Variants in FKBP4 observed in about 807,000 individuals in gnomAD.
FKBP4 encodes the protein peptidyl-prolyl cis-trans isomerase FKBP4.
A neutral mutation model predicts 54.1 loss-of-function variants in FKBP4; 28 were observed. The ratio of observed to expected loss-of-function variants is 0.52; its 90% CI spans 0.38 to 0.71. The LOEUF is 0.71. FKBP4 is among the 30% of genes least tolerant of loss of function. The pLI is 0.00. For synonymous variants in FKBP4, 223 were observed against 216.1 expected (o/e 1.03, Z -0.28); for missense variants, 493 against 574.4 (o/e 0.86, Z 1.45).
rs1477912620 is a variant in FKBP4 at position 2,798,825 on chromosome 12, G to A, written c.513G>A (p.Glu171=). The change falls in exon 4 of 10, where the codon GAG becomes GAA. Residue 171 remains glutamate, a splice_region_variant and synonymous_variant. Coordinates refer to ENST00000001008, the MANE Select transcript of FKBP4 (RefSeq NM_002014.4). This position sits in a 1 kb window ranked among gnomAD's most constrained non-coding sequence, Gnocchi z 4.3. The part of the protein sequence containing the change: ...YAKPNEGAIV[E]VALEGYYKDK... ...AGCCCAATGAGGGTGCTATCGTGGA[G>A]GGTGAGACAGTACAGTCTGGGCTTT... The A allele has an allele frequency of 6.2e-7, 1 of 1,614,012 alleles. No individual in the cohort carries two copies. Among genetic ancestry groups the A allele is most frequent in the East Asian group, 2.2e-5 (1 of 44,890 alleles).
intron 3 of FKBP4, 124 bp downstream of exon 3, chr12:2,797,995 A>G (rs2097902825): frequency 2.5e-6 from 3 of 1,210,072 alleles, no homozygotes; most frequent in Admixed American, 2.3e-5. Flanking sequence ...GTCTGGCCTT[A>G]TGGGAGGAGA....
At chr12:2,800,199 A>C in intron 7 of FKBP4, 77 bp downstream of exon 7, 1 of 1,525,210 alleles carries the variant, frequency 6.6e-7, no homozygotes, top group Non-Finnish European at 9.1e-7. Context: ...GGTGACTGAG[A>C]TCATTTTCTG....
chr12:2,798,054 G>A lies in FKBP4; in HGVS notation c.393+183G>A, dbSNP rs914060337. ...TAGTAATGGAAGTAATAGAAGCTTC[G>A]GGTGGGAAGAGGCAGGCACAAGCCC... On this transcript the variant is annotated intron_variant, in intron 3 of 9. Coordinates refer to ENST00000001008, the MANE Select transcript of FKBP4 (RefSeq NM_002014.4). This position sits in a 1 kb window ranked among gnomAD's most constrained non-coding sequence, Gnocchi z 4.3. Among the ~76,000 whole-genome samples, 4 of 152,190 alleles carry A rather than the reference G, an allele frequency of 2.6e-5. No homozygotes were observed. The East Asian group carries it at 5.8e-4, about 22-fold the overall frequency.
intron 9 of FKBP4, 83 bp from the exon 10 acceptor site, chr12:2,803,068 G>T: frequency 2.1e-6 from 2 of 970,246 alleles, no homozygotes; most frequent in Non-Finnish European, 3.2e-6. Context: ...GAGAATGGGT[G>T]TATCTGTGTA....
Position 2,799,216 on chromosome 12 carries a change from G to C in FKBP4, c.643G>C (p.Glu215Gln), listed in dbSNP as rs1042734137. ...ERAIQRMEKG[E>Q]HSIVYLKPSY... ...GGCCATTCAGCGCATGGAGAAAGGA[G>C]AACATTCCATCGTGTACCTCAAGCC... Residue 215 changes from glutamate (E) to glutamine (Q), a missense_variant, in exon 5 of 10, where the codon GAA (glutamate) becomes CAA (glutamine). Coordinates refer to ENST00000001008, the MANE Select transcript of FKBP4 (RefSeq NM_002014.4). 1 of 1,551,846 alleles carries C rather than the reference G, an allele frequency of 6.4e-7. No individual in the cohort carries two copies. The highest frequency in any genetic ancestry group is 8.7e-7 in the Non-Finnish European group (1 of 1,151,054).
intron 9 of FKBP4, among the ~76,000 whole-genome samples, chr12:2,802,120 T>C (rs1277834711): frequency 6.6e-6 from 1 of 152,228 alleles, no homozygotes; most frequent in Non-Finnish European, 1.5e-5. Flanking sequence ...AGTCCCTTTT[T>C]AGTCTTCCAG....
In FKBP4 at chr12:2,800,592, G is replaced by A. The variant is rs1738552536; in HGVS notation, c.1032+15G>A. ...GCTGTAACAAGGTGAGGCCCCCTCAGAGGTCATGGAAGCAGCATTCACAGG... is the reference window on the plus strand; with the variant it reads ...GCTGTAACAAGGTGAGGCCCCCTCAAAGGTCATGGAAGCAGCATTCACAGG... On this transcript the variant is annotated intron_variant, in intron 8 of 9. Coordinates refer to ENST00000001008, the MANE Select transcript of FKBP4 (RefSeq NM_002014.4). 1 of 1,581,284 alleles carries A rather than the reference G, an allele frequency of 6.3e-7. No individual in the cohort carries two copies. Among genetic ancestry groups the A allele is most frequent in the Non-Finnish European group, 8.6e-7 (1 of 1,166,386 alleles).
chr12:2,803,411 G>A lies in FKBP4; in HGVS notation c.*153G>A, dbSNP rs558770809. 8.2e-5 allele frequency: 50 copies of A among 607,790 alleles called. No individual in the cohort carries two copies. The highest frequency in any genetic ancestry group is 4.5e-4 in the Admixed American group (16 of 35,878). 37.6% of individuals were successfully genotyped at this position (607,790 alleles called of 1,614,324 possible). ...TGGCTTTAGGGGAAGGGGGAAAGGT[G>A]TAGGCTGGGGGATTGAGGTGGGGAA... On this transcript the variant is annotated 3_prime_UTR_variant, in exon 10 of 10. Transcript: ENST00000001008.
rs2097903451 is a variant in FKBP4, at chr12:2,799,194, C to T, written c.621C>T (p.Ala207=). ...NLDLPYGLER[A]IQRMEKGEHS... Reference sequence around the variant, plus strand: ...ATCTGCCTTATGGTCTGGAGAGGGCCATTCAGCGCATGGAGAAAGGAGAAC... The same window carrying T: ...ATCTGCCTTATGGTCTGGAGAGGGCTATTCAGCGCATGGAGAAAGGAGAAC... The change falls in exon 5 of 10, where the codon GCC becomes GCT. Residue 207 remains alanine, a synonymous_variant. Transcript: ENST00000001008. The T allele has an allele frequency of 6.3e-7, 1 of 1,582,458 alleles. No individual in the cohort carries two copies. The highest frequency in any genetic ancestry group is 8.6e-7 in the Non-Finnish European group (1 of 1,166,540).
intron 1 of FKBP4, 184 bp from the exon 2 acceptor site, chr12:2,796,954 A>C: frequency 1.4e-6 from 2 of 1,381,340 alleles, no homozygotes; most frequent in Non-Finnish European, 1.9e-6. Context: ...CACCTCAAGA[A>C]AGACAAGAAG....
Position 2,798,977 on chromosome 12 carries a change from G to A in FKBP4, c.515-111G>A. On this transcript the variant is annotated intron_variant, in intron 4 of 9. Coordinates refer to ENST00000001008, the MANE Select transcript of FKBP4 (RefSeq NM_002014.4). This position sits in a 1 kb window ranked among gnomAD's most constrained non-coding sequence, Gnocchi z 4.3. ...TCTCTTCATATCACTCCAGATTTGA[G>A]AACACAGGAGAATCTTGGGATGATG... 1 of 1,405,758 alleles carries A rather than the reference G, an allele frequency of 7.1e-7. No homozygotes were observed. The highest frequency in any genetic ancestry group is 9.7e-7 in the Non-Finnish European group (1 of 1,027,694). 87.1% of individuals were successfully genotyped at this position (1,405,758 alleles called of 1,614,324 possible). A position where few individuals can be genotyped will look rare whatever the true frequency, so the allele number is the denominator to read the frequency against.
At position 2,795,102 on chromosome 12, in the gene FKBP4, C is replaced by A; in HGVS notation, c.-38C>A. 3.2e-6 allele frequency: 4 copies of A among 1,249,016 alleles called. No homozygotes were observed. The highest frequency in any genetic ancestry group is 4.1e-6 in the Non-Finnish European group (4 of 977,254). The allele number at this position is 1,249,016 out of a possible 1,614,324, so 77.4% of individuals were successfully genotyped here. On this transcript the variant is annotated 5_prime_UTR_variant, in exon 1 of 10. Coordinates refer to ENST00000001008, the MANE Select transcript of FKBP4 (RefSeq NM_002014.4). The surrounding 1 kb of genome is among the most constrained non-coding windows in gnomAD (Gnocchi z 4.3). ...CCCGCGGCCCAGAGTGCGCTCGCGC[C>A]GGCACCAGCTCCCGGATAAACGGCG...
At chr12:2,802,355 G>A (rs1334482450) in intron 9 of FKBP4, among the ~76,000 whole-genome samples, 2 of 151,942 alleles carry the variant, frequency 1.3e-5, no homozygotes, top group Admixed American at 6.6e-5. Flanking sequence ...CCAGGCTCTC[G>A]AACTCCTGAC....
At position 2,803,195 on chromosome 12, in the gene FKBP4, GATGA is replaced by G; in HGVS notation, c.1319_1322del (p.Met440ArgfsTer44). 1.2e-6 allele frequency: 2 copies of G among 1,606,362 alleles called. No homozygotes were observed. Among genetic ancestry groups the G allele is most frequent in the Non-Finnish European group, 1.7e-6 (2 of 1,176,476 alleles). On this transcript the variant is annotated frameshift_variant, in exon 10 of 10. Coordinates refer to ENST00000001008, the MANE Select transcript of FKBP4 (RefSeq NM_002014.4). LOFTEE classifies it high-confidence loss of function. ...CAGGAGACCATCCCACTGACACAGA[GATGA>G]AGGAGGAGCAGAAGAGCAACACGGC...
Position 2,795,220 on chromosome 12 carries a change from C to G in FKBP4, c.81C>G (p.Pro27=). 7.5e-7 allele frequency: 1 copy of G among 1,339,124 alleles called. No homozygotes were observed. The highest frequency in any genetic ancestry group is 1.5e-5 in the African/African-American group (1 of 66,072). The allele number at this position is 1,339,124 out of a possible 1,614,324, so 83.0% of individuals were successfully genotyped here. Reference sequence around the variant, plus strand: ...CCATGGAGGGAGTGGACATCAGCCCCAAACAGGACGAAGGCGTGCTGAAGG... The same window carrying G: ...CCATGGAGGGAGTGGACATCAGCCCGAAACAGGACGAAGGCGTGCTGAAGG... ...PLPMEGVDIS[P]KQDEGVLKVI... is the part of the protein sequence containing the mutation. Residue 27 remains proline, a synonymous_variant, in exon 1 of 10, where the codon CCC becomes CCG. Coordinates refer to ENST00000001008, the MANE Select transcript of FKBP4 (RefSeq NM_002014.4). This position sits in a 1 kb window ranked among gnomAD's most constrained non-coding sequence, Gnocchi z 4.3.
At chr12:2,803,074 G>A (rs1012681567) in intron 9 of FKBP4, 77 bp from the exon 10 acceptor site, 45 of 1,052,690 alleles carry the variant, frequency 4.3e-5, no homozygotes, top group Non-Finnish European at 6.0e-5. Flanking sequence ...GGGTGTATCT[G>A]TGTAATTCTG....
chr12:2,805,309 C>A lies in FKBP4; in HGVS notation c.*2051C>A. 2.5e-6 allele frequency: 1 copy of A among 392,490 alleles called. No homozygotes were observed. Among genetic ancestry groups the A allele is most frequent in the Non-Finnish European group, 5.0e-6 (1 of 200,228 alleles). 24.3% of individuals were successfully genotyped at this position (392,490 alleles called of 1,614,324 possible). On this transcript the variant is annotated 3_prime_UTR_variant, in exon 10 of 10. Coordinates refer to ENST00000001008, the MANE Select transcript of FKBP4 (RefSeq NM_002014.4). The stretch of plus-strand genomic sequence containing the variant: ...AAAGCATTCCTGAGGTTTCTTCCAG[C>A]TCTGCATCCTGTAGGATTCCAAGAA...
rs1161821564 is a variant in FKBP4, at chr12:2,800,136, C to G, written c.846+14C>G. On this transcript the variant is annotated intron_variant, in intron 7 of 9. Coordinates refer to ENST00000001008, the MANE Select transcript of FKBP4 (RefSeq NM_002014.4). Reference sequence around the variant, plus strand: ...GTGTACTTCAAGGTGAGCCAACAGTCATTGTCCTAAGGACACTCCCAGGAA... The same window carrying G: ...GTGTACTTCAAGGTGAGCCAACAGTGATTGTCCTAAGGACACTCCCAGGAA... 1.2e-6 allele frequency: 2 copies of G among 1,611,470 alleles called. No homozygotes were observed. Among genetic ancestry groups the G allele is most frequent in the South Asian group, 2.2e-5 (2 of 90,964 alleles).
rs1390422085 is a variant in FKBP4 at position 2,798,714 on chromosome 12, G to GT, written c.405dup (p.Glu136Ter). 2 of 1,613,732 alleles carry GT rather than the reference G, an allele frequency of 1.2e-6. No individual in the cohort carries two copies. The highest frequency in any genetic ancestry group is 1.7e-6 in the Non-Finnish European group (2 of 1,180,028). On this transcript the variant is annotated frameshift_variant, in exon 4 of 10. Transcript: ENST00000001008. LOFTEE classifies it high-confidence loss of function. This position sits in a 1 kb window ranked among gnomAD's most constrained non-coding sequence, Gnocchi z 4.3. ...CACATCTTGTCCCACAGGTGGAGTT[G>GT]TTTGAGTTTAAGGGAGAAGATCTGA...
Sources: gnomAD v4.1 joint callset for allele counts (sites outside exome capture counted in the v4.1 genomes callset) on GRCh38, gnomAD v4.1.1 for gene constraint, Gnocchi (gnomAD v3.1) non-coding constraint, MANE v1.5 for transcripts, NCBI Gene and HGNC (gene_info 2026-07-23, HGNC 2026-07-21) for gene names.